Variants in TCEA1 observed in about 807,000 individuals in gnomAD.
TCEA1 encodes transcription elongation factor A protein 1.
A neutral mutation model predicts 43.8 loss-of-function variants in TCEA1; 21 were observed. That is an observed-to-expected ratio of 0.48 (90% CI 0.34 to 0.69). TCEA1 has a LOEUF of 0.69. TCEA1 is among the 30% of genes least tolerant of loss of function. The pLI, the probability that TCEA1 is intolerant of heterozygous loss-of-function variation, is 0.01. For synonymous variants in TCEA1, 104 were observed against 117.5 expected (o/e 0.88, Z 0.75); for missense variants, 250 against 365.1 (o/e 0.68, Z 2.57).
chr8:53,967,908 A>T lies in TCEA1; in HGVS notation c.*196T>A, dbSNP rs1050471. The T allele has an allele frequency of 2.3e-6, 1 of 431,912 alleles. No homozygotes were observed. Among genetic ancestry groups the T allele is most frequent in the South Asian group, 9.8e-5 (1 of 10,232 alleles). 26.8% of individuals were successfully genotyped at this position (431,912 alleles called of 1,614,324 possible). ...AATATGTTTTGAAACAGGTACCATA[A>T]AATTATTATATGGTCTCCCTACTGA... On this transcript the variant is annotated 3_prime_UTR_variant, in exon 10 of 10. Transcript: ENST00000521604.
intron 1 of TCEA1, among the ~76,000 whole-genome samples, chr8:54,014,985 G>A (rs1310813232): frequency 6.6e-6 from 1 of 152,152 alleles, no homozygotes; most frequent in East Asian, 1.9e-4. Context: ...TAGCATGGTT[G>A]ATGAGGAGTA....
chr8:53,979,091 A>G lies in TCEA1; in HGVS notation c.759T>C (p.Thr253=), dbSNP rs1803428043. The change falls in exon 8 of 10, where the codon ACT becomes ACC. Residue 253 remains threonine (T), a synonymous_variant. Coordinates refer to ENST00000521604, the MANE Select transcript of TCEA1 (RefSeq NM_006756.4). ...TGAACAAGTCAGTCTGGGTCCCACC[A>G]GTCTTGGCCATCTGATGCTCTCTGA... is the stretch of plus-strand genomic sequence containing the variant. ...EAIREHQMAK[T]GGTQTDLFTC... The G allele has an allele frequency of 2.5e-6, 4 of 1,613,798 alleles. No individual in the cohort carries two copies. Among genetic ancestry groups the G allele is most frequent in the Non-Finnish European group, 2.5e-6 (3 of 1,179,774 alleles).
chr8:53,983,570 A>G (rs1186390433), intron 7 of TCEA1, among the ~76,000 whole-genome samples: 1 of 152,062 alleles, frequency 6.6e-6, no homozygotes, highest in Non-Finnish European at 1.5e-5. Flanking sequence ...GGAGAATCTG[A>G]AGCAGGAGAA....
At chr8:53,968,250 TA>T (rs1228061894) in intron 9 of TCEA1, 138 bp from the exon 10 acceptor site, 10 of 602,256 alleles carry the variant, frequency 1.7e-5, no homozygotes, top group Non-Finnish European at 2.4e-5. Flanking sequence ...TCACACATAA[TA>T]ATCACCTATC....
intron 7 of TCEA1, among the ~76,000 whole-genome samples, chr8:53,983,642 C>T (rs977210904): frequency 6.7e-6 from 1 of 148,240 alleles, no homozygotes; most frequent in African/African-American, 2.5e-5. Flanking sequence ...CATCCCAGCC[C>T]AGGCAACAAG....
intron 1 of TCEA1, among the ~76,000 whole-genome samples, chr8:54,017,753 TCTACTAAA>T: frequency 6.6e-6 from 1 of 152,320 alleles, no homozygotes; most frequent in Middle Eastern, 3.4e-3. Flanking sequence ...AAATCCCATC[TCTACTAAA>T]AATACAAAAT....
chr8:54,013,810 T>C (rs1363211337), intron 1 of TCEA1, among the ~76,000 whole-genome samples: 2 of 152,140 alleles, frequency 1.3e-5, no homozygotes, highest in African/African-American at 2.4e-5. Flanking sequence ...AGTGCTGCTA[T>C]GTGCTTGGCA....
chr8:53,987,455 G>A (rs764518465), intron 5 of TCEA1, among the ~76,000 whole-genome samples: 3 of 152,000 alleles, frequency 2.0e-5, no homozygotes, highest in Non-Finnish European at 2.9e-5. Context: ...ATATGCAAGA[G>A]GATAGAAGGA....
At chr8:54,000,131 C>T in intron 2 of TCEA1, 81 bp from the exon 3 acceptor site, 1 of 859,178 alleles carries the variant, frequency 1.2e-6, no homozygotes, top group Non-Finnish European at 1.7e-6. Flanking sequence ...CTTTTCTTTC[C>T]CAGATTCCTG....
intron 5 of TCEA1, among the ~76,000 whole-genome samples, chr8:53,987,704 C>T (rs538911966): frequency 6.6e-6 from 1 of 152,266 alleles, no homozygotes; most frequent in East Asian, 1.9e-4. Context: ...ACTCACCCTC[C>T]CTTTTTCTAA....
At chr8:53,969,540 AAAT>A (rs771725697) in intron 9 of TCEA1, among the ~76,000 whole-genome samples, 9 of 152,326 alleles carry the variant, frequency 5.9e-5, no homozygotes, top group Admixed American at 1.3e-4. Context: ...AAACTAATAA[AAAT>A]AGCCAGCATT....
intron 1 of TCEA1, among the ~76,000 whole-genome samples, chr8:54,011,911 C>T (rs1225639892): frequency 2.0e-5 from 3 of 152,064 alleles, no homozygotes; most frequent in African/African-American, 4.8e-5. Context: ...AATTATGACA[C>T]GTTATTATAA....
chr8:53,996,841 A>G (rs898323448), intron 3 of TCEA1, among the ~76,000 whole-genome samples: 2 of 140,502 alleles, frequency 1.4e-5, no homozygotes, highest in Admixed American at 1.4e-4. Flanking sequence ...TCCATTATAC[A>G]GAAAAGGAAC....
intron 8 of TCEA1, chr8:53,974,252 T>C (rs1250752153): frequency 6.5e-6 from 1 of 152,928 alleles, no homozygotes; most frequent in East Asian, 1.9e-4. Flanking sequence ...TCCCCTAAAA[T>C]ATACAGAAAT....
intron 2 of TCEA1, among the ~76,000 whole-genome samples, chr8:54,003,708 G>A (rs1804349033): frequency 6.6e-6 from 1 of 151,900 alleles, no homozygotes; most frequent in Admixed American, 6.6e-5. Flanking sequence ...ATATGAACAG[G>A]AGTAAAGCTT....
rs1586049134 is a variant in TCEA1, at chr8:54,022,446, G to A, written c.-321C>T. On this transcript the variant is annotated 5_prime_UTR_variant, in exon 1 of 10. Coordinates refer to ENST00000521604, the MANE Select transcript of TCEA1 (RefSeq NM_006756.4). ...GGCTAGTGGGCAGGCGTGGCTTCCGGCTAGAGGGTCGTGGAAGGCGCCCGG... is the reference window on the plus strand; with the variant it reads ...GGCTAGTGGGCAGGCGTGGCTTCCGACTAGAGGGTCGTGGAAGGCGCCCGG... 1.2e-5 allele frequency: 5 copies of A among 417,820 alleles called. No individual in the cohort carries two copies. The highest frequency in any genetic ancestry group is 2.8e-5 in the South Asian group (1 of 35,736). The allele number at this position is 417,820 out of a possible 1,614,324, so 25.9% of individuals were successfully genotyped here. A position where few individuals can be genotyped will look rare whatever the true frequency, so the allele number is the denominator to read the frequency against.
chr8:54,001,283 G>GA lies in TCEA1; in HGVS notation c.127-1234dup, dbSNP rs568629792. ...AATAACAAAAGGAATTCTTAGTGGT[G>GA]AAAAAAAAGAGACACCCTATTGTAA... is the stretch of plus-strand genomic sequence containing the variant. On this transcript the variant is annotated intron_variant, in intron 2 of 9. Coordinates refer to ENST00000521604, the MANE Select transcript of TCEA1 (RefSeq NM_006756.4). 4.1e-3 allele frequency among the ~76,000 whole-genome samples: 619 copies of GA among 151,902 alleles called. 4 individuals carry two copies. Among genetic ancestry groups the GA allele is most frequent in the African/African-American group, 0.014 (589 of 41,452 alleles).
chr8:53,981,926 TC>T (rs1437445162), intron 7 of TCEA1, among the ~76,000 whole-genome samples: 21 of 148,702 alleles, frequency 1.4e-4, no homozygotes, highest in African/African-American at 4.5e-4. Flanking sequence ...AGCTAAGTTT[TC>T]TTTTTTTTTT....
intron 1 of TCEA1, 82 bp downstream of exon 1, chr8:54,021,981 G>C: frequency 2.3e-6 from 3 of 1,301,010 alleles, no homozygotes; most frequent in Non-Finnish European, 3.0e-6. Flanking sequence ...GGGAGGGGAG[G>C]GAGAAGGAGG....
Sources: allele counts gnomAD v4.1 joint callset (sites outside exome capture counted in the v4.1 genomes callset), GRCh38; gene constraint gnomAD v4.1.1; transcripts MANE v1.5; gene names NCBI Gene and HGNC (gene_info 2026-07-23, HGNC 2026-07-21).